Variants in AOPEP observed in about 807,000 individuals in gnomAD.
AOPEP encodes the protein aminopeptidase O (putative), also known as aminopeptidase O.
In AOPEP, 77 loss-of-function variants were observed where a neutral mutation model predicts 98.1. That is an observed-to-expected ratio of 0.78 (90% confidence interval 0.65 to 0.95). AOPEP has a LOEUF of 0.95. Among genes scored for constraint, AOPEP ranks in the 40% least tolerant of loss-of-function variants. AOPEP has a pLI of 0.00. For missense variants in AOPEP, 1,024 were observed against 1,024.7 expected, an observed-to-expected ratio of 1.00 and a Z score of 0.01; for synonymous variants, 346 against 365.3, an observed-to-expected ratio of 0.95 and a Z score of 0.60.
intron 5 of AOPEP, among the ~76,000 whole-genome samples, chr9:94,805,290 A>C (rs1437634703): frequency 6.6e-6 from 1 of 152,104 alleles, no homozygotes; most frequent in Non-Finnish European, 1.5e-5. Context: ...AAGCTATCAG[A>C]ACACCTGGCA....
At chr9:94,892,421 A>G (rs1177894467) in intron 5 of AOPEP, among the ~76,000 whole-genome samples, 3 of 152,210 alleles carry the variant, frequency 2.0e-5, no homozygotes, top group African/African-American at 7.2e-5. Context: ...TATCTCCACT[A>G]TGCTATCAAG....
At chr9:95,009,148 G>GT in intron 13 of AOPEP, among the ~76,000 whole-genome samples, 1 of 152,074 alleles carries the variant, frequency 6.6e-6, no homozygotes, top group Non-Finnish European at 1.5e-5. Flanking sequence ...TTTTATGTGT[G>GT]TTTTTAAACT....
intron 5 of AOPEP, among the ~76,000 whole-genome samples, chr9:94,881,246 ATTT>A (rs71366267): frequency 1.1e-4 from 16 of 145,000 alleles, no homozygotes; most frequent in Non-Finnish European, 1.5e-4. Context: ...TGCTGCTTCT[ATTT>A]TTTTTTTTTT....
At chr9:94,747,894 A>G (rs1400171259) in intron 1 of AOPEP, among the ~76,000 whole-genome samples, 3 of 152,224 alleles carry the variant, frequency 2.0e-5, no homozygotes, top group Non-Finnish European at 4.4e-5. Flanking sequence ...AAGCCAGTAG[A>G]TATTTTGGAG....
downstream of AOPEP, among the ~76,000 whole-genome samples, chr9:95,090,833 T>C (rs2070857175): frequency 6.6e-6 from 1 of 152,224 alleles, no homozygotes; most frequent in African/African-American, 2.4e-5. Flanking sequence ...TAAAGGATTT[T>C]AAAGCATTTA....
At chr9:95,135,329 C>G in the AOPEP span, 2 of 1,613,110 alleles carry the variant, frequency 1.2e-6, no homozygotes, top group Non-Finnish European at 1.7e-6. Flanking sequence ...TTCCCTTCAT[C>G]AAAACCCAGT....
the AOPEP span, chr9:95,117,500 T>C: frequency 1.7e-5 from 13 of 774,330 alleles, no homozygotes; most frequent in African/African-American, 1.2e-4. Context: ...AGTACTAACA[T>C]GGTCAGAACA....
At chr9:95,097,936 C>T in the AOPEP span, among the ~76,000 whole-genome samples, 13 of 152,272 alleles carry the variant, frequency 8.5e-5, no homozygotes, top group South Asian at 1.2e-3. Context: ...ACAAAATCTA[C>T]GGATTTCCCA....
intron 5 of AOPEP, among the ~76,000 whole-genome samples, chr9:94,860,974 A>G (rs1564276919): frequency 6.6e-6 from 1 of 152,190 alleles, no homozygotes; most frequent in African/African-American, 2.4e-5. Flanking sequence ...GTCCTCATCT[A>G]CAAATTGGGG....
At chr9:95,117,268 C>T in the AOPEP span, 1 of 1,552,492 alleles carries the variant, frequency 6.4e-7, no homozygotes, top group South Asian at 1.1e-5. Context: ...TGACAATGCT[C>T]TTCCCAGGAA....
chr9:94,852,464 G>A (rs1026530795), intron 5 of AOPEP, among the ~76,000 whole-genome samples: 1 of 152,206 alleles, frequency 6.6e-6, no homozygotes, highest in African/African-American at 2.4e-5. Context: ...CATAGGGTAA[G>A]GAACAAGGAG....
chr9:95,053,337 A>G (rs1253139686), intron 13 of AOPEP, among the ~76,000 whole-genome samples: 1 of 152,232 alleles, frequency 6.6e-6, no homozygotes, highest in Non-Finnish European at 1.5e-5. Context: ...AATTTACACA[A>G]ATTGAACCAT....
chr9:95,144,784 CAGT>C, the AOPEP span, among the ~76,000 whole-genome samples: 1 of 152,114 alleles, frequency 6.6e-6, no homozygotes, highest in African/African-American at 2.4e-5. Context: ...TTGGTGTGAT[CAGT>C]GGTGGGGCCG....
At chr9:94,843,793 A>G (rs1303163124) in intron 5 of AOPEP, among the ~76,000 whole-genome samples, 1 of 152,186 alleles carries the variant, frequency 6.6e-6, no homozygotes, top group Non-Finnish European at 1.5e-5. Context: ...TTTCTCTCAT[A>G]ATCCAAACTA....
intron 5 of AOPEP, among the ~76,000 whole-genome samples, chr9:94,885,921 A>G (rs968959940): frequency 1.3e-5 from 2 of 152,184 alleles, no homozygotes; most frequent in African/African-American, 4.8e-5. Context: ...AAAGGATATA[A>G]TTGTATGAAA....
intron 4 of AOPEP, among the ~76,000 whole-genome samples, chr9:94,793,775 GA>G (rs1468879251): frequency 6.6e-6 from 1 of 152,138 alleles, no homozygotes; most frequent in Non-Finnish European, 1.5e-5. Flanking sequence ...AAGTATATAT[GA>G]AATCATGTGA....
At chr9:94,777,965 C>A (rs1842524300) in intron 3 of AOPEP, among the ~76,000 whole-genome samples, 1 of 152,012 alleles carries the variant, frequency 6.6e-6, no homozygotes, top group Non-Finnish European at 1.5e-5. Flanking sequence ...CAATAAAAAA[C>A]CCCACATGAA....
At chr9:95,104,198 C>T in the AOPEP span, among the ~76,000 whole-genome samples, 50 of 152,294 alleles carry the variant, frequency 3.3e-4, no homozygotes, top group African/African-American at 7.5e-4. Flanking sequence ...CCCTGCCACG[C>T]GGCCACCGCA....
At chr9:95,145,224 A>G in the AOPEP span, 1 of 152,256 alleles carries the variant, frequency 6.6e-6, no homozygotes, top group South Asian at 2.1e-4. Flanking sequence ...TCCAAACGCA[A>G]CAAACAACAC....
Sources: gnomAD v4.1 joint callset for allele counts (sites outside exome capture counted in the v4.1 genomes callset) on GRCh38, gnomAD v4.1.1 for gene constraint, MANE v1.5 for transcripts, NCBI Gene and HGNC (gene_info 2026-07-23, HGNC 2026-07-21) for gene names.